The following CRKL variants were observed in gnomAD, a reference collection of about 807,000 sequenced individuals.
The protein encoded by CRKL is CRK like proto-oncogene, adaptor protein, also known as crk-like protein.
A neutral mutation model predicts 23.0 loss-of-function variants in CRKL; 3 were observed. The ratio of observed to expected loss-of-function variants is 0.13; its 90% CI spans 0.06 to 0.34. The LOEUF (loss-of-function observed/expected upper bound fraction) is 0.34. Among genes scored for constraint, CRKL ranks in the 10% least tolerant of loss-of-function variants. The probability of loss-of-function intolerance (pLI) is 1.00; values close to 1 mark genes in which losing one functional copy is unlikely to be tolerated. For synonymous variants in CRKL, 188 were observed against 160.7 expected (o/e 1.17, Z -1.28); for missense variants, 256 against 394.5 (o/e 0.65, Z 2.97).
At position 20,949,263 on chromosome 22, in the gene CRKL, C is replaced by T. The variant is rs140688534; in HGVS notation, c.778-448C>T. 6.3e-3 allele frequency among the ~76,000 whole-genome samples: 958 copies of T among 152,242 alleles called. 10 individuals are homozygous for T. The highest frequency in any genetic ancestry group is 0.021 in the African/African-American group (877 of 41,560). On this transcript the variant is annotated intron_variant, in intron 2 of 2. Coordinates refer to ENST00000354336, the MANE Select transcript of CRKL (RefSeq NM_005207.4). ...ACTTCAGCCTCCTGAGTAGTTGGGA[C>T]TGCAGTCATGTACCACCACACCCGG... is the stretch of plus-strand genomic sequence containing the variant.
At chr22:20,920,587 C>T (rs1920981475) in intron 1 of CRKL, among the ~76,000 whole-genome samples, 1 of 152,076 alleles carries the variant, frequency 6.6e-6, no homozygotes, top group Non-Finnish European at 1.5e-5. Flanking sequence ...CACAGAATCG[C>T]CTCCAGATTT....
At position 20,948,726 on chromosome 22, in the gene CRKL, C is replaced by T. The variant is rs150949418; in HGVS notation, c.778-985C>T. On this transcript the variant is annotated intron_variant, in intron 2 of 2. Coordinates refer to ENST00000354336, the MANE Select transcript of CRKL (RefSeq NM_005207.4). ...CGTTGCGCCGGCTGGTCTCAAACTC[C>T]TGGGCTCAAGCAGTCCTCCCACCTC... is the stretch of plus-strand genomic sequence containing the variant. 2.6e-3 allele frequency among the ~76,000 whole-genome samples: 394 copies of T among 152,258 alleles called. 4 individuals are homozygous for T. Among genetic ancestry groups the T allele is most frequent in the African/African-American group, 9.0e-3 (374 of 41,550 alleles).
intron 2 of CRKL, among the ~76,000 whole-genome samples, chr22:20,947,194 GTGTT>G (rs1569138544): frequency 5.3e-5 from 8 of 151,526 alleles, no homozygotes; most frequent in African/African-American, 1.9e-4. Context: ...TGAGTTAATA[GTGTT>G]TTTCTGCCAC....
chr22:20,928,172 G>A (rs894971550), intron 1 of CRKL, among the ~76,000 whole-genome samples: 2 of 151,076 alleles, frequency 1.3e-5, no homozygotes, highest in Non-Finnish European at 3.0e-5. Context: ...AAAAGTATAT[G>A]TAAGCTGGGT....
chr22:20,941,589 T>TATATA (rs1491187455), intron 2 of CRKL, among the ~76,000 whole-genome samples: 34 of 32,180 alleles, frequency 1.1e-3, no homozygotes, highest in African/African-American at 3.3e-3. Context: ...TATATATATA[T>TATATA]TTTTTTTTTT....
At position 20,952,444 on chromosome 22, in the gene CRKL, G is replaced by A. The variant is rs1922312856; in HGVS notation, c.*2599G>A. On this transcript the variant is annotated 3_prime_UTR_variant, in exon 3 of 3. Coordinates refer to ENST00000354336, the MANE Select transcript of CRKL (RefSeq NM_005207.4). ...TCAAAACAAGGCGAGCTTGAGTTCT[G>A]CACTCCAGATATGTGCCAAAACTAG... The A allele has an allele frequency of 4.3e-6, 1 of 230,516 alleles. No homozygotes were observed. 14.3% of individuals were successfully genotyped at this position (230,516 alleles called of 1,614,324 possible).
In CRKL at chr22:20,952,710, A is replaced by G. The variant is rs1601689579; in HGVS notation, c.*2865A>G. The G allele has an allele frequency of 2.2e-5, 5 of 231,630 alleles. No homozygotes were observed. In the East Asian group the frequency reaches 3.1e-4, roughly 14 times the overall value. The allele number at this position is 231,630 out of a possible 1,614,324, so 14.3% of individuals were successfully genotyped here. ...GTTTAAAGAAATATTTGGATGTTAA[A>G]TTAACTCACTATGGTTTTTCACCTG... On this transcript the variant is annotated 3_prime_UTR_variant, in exon 3 of 3. Transcript: ENST00000354336.
At position 20,953,386 on chromosome 22, in the gene CRKL, T is replaced by C; in HGVS notation, c.*3541T>C. ...ATCGTTGTCCCTACAGGAGGAACAG[T>C]GGCCTTGCTTCTTAGACGGTCTTCA... is the stretch of plus-strand genomic sequence containing the variant. On this transcript the variant is annotated 3_prime_UTR_variant, in exon 3 of 3. Coordinates refer to ENST00000354336, the MANE Select transcript of CRKL (RefSeq NM_005207.4). 4.3e-6 allele frequency: 1 copy of C among 231,238 alleles called. No homozygotes were observed. The allele number at this position is 231,238 out of a possible 1,614,324, so 14.3% of individuals were successfully genotyped here.
At chr22:20,925,763 T>C (rs1262880929) in intron 1 of CRKL, among the ~76,000 whole-genome samples, 1 of 152,072 alleles carries the variant, frequency 6.6e-6, no homozygotes, top group African/African-American at 2.4e-5. Context: ...GTCACACCAG[T>C]TTTGTGACAG....
chr22:20,923,208 G>A (rs919373010), intron 1 of CRKL, among the ~76,000 whole-genome samples: 7 of 152,018 alleles, frequency 4.6e-5, no homozygotes, highest in Non-Finnish European at 2.9e-5. Flanking sequence ...CATGTACCTG[G>A]TAATATGGAA....
intron 1 of CRKL, among the ~76,000 whole-genome samples, chr22:20,923,499 G>A (rs553119459): frequency 2.6e-5 from 4 of 151,398 alleles, no homozygotes; most frequent in South Asian, 4.2e-4. Context: ...GGATGGTCTC[G>A]ATCTCCTGAC....
chr22:20,936,877 TC>T (rs201029538), intron 2 of CRKL, among the ~76,000 whole-genome samples: 20 of 150,698 alleles, frequency 1.3e-4, no homozygotes, highest in Admixed American at 3.3e-4. Flanking sequence ...TTTTTTTTTT[TC>T]GAGATGGAGT....
At position 20,921,935 on chromosome 22, in the gene CRKL, C is replaced by T. The variant is rs142325475; in HGVS notation, c.311+3690C>T. ...ATGTTAGCCAGGATAGTCTCGATCTCCTAACCTAGTGATCCGCCCGCCTCG... is the reference window on the plus strand; with the variant it reads ...ATGTTAGCCAGGATAGTCTCGATCTTCTAACCTAGTGATCCGCCCGCCTCG... On this transcript the variant is annotated intron_variant, in intron 1 of 2. Coordinates refer to ENST00000354336, the MANE Select transcript of CRKL (RefSeq NM_005207.4). Among the ~76,000 whole-genome samples, 608 of 150,476 alleles carry T rather than the reference C, an allele frequency of 4.0e-3. 5 individuals are homozygous for T. The highest frequency in any genetic ancestry group is 0.014 in the African/African-American group (586 of 41,002).
chr22:20,937,868 C>T (rs1458660693), intron 2 of CRKL, among the ~76,000 whole-genome samples: 1 of 151,886 alleles, frequency 6.6e-6, no homozygotes, highest in Admixed American at 6.6e-5. Flanking sequence ...TAGGTTATAG[C>T]ATAAGTAAAT....
At chr22:20,927,041 G>A (rs1053251533) in intron 1 of CRKL, among the ~76,000 whole-genome samples, 1 of 137,878 alleles carries the variant, frequency 7.3e-6, no homozygotes, top group African/African-American at 2.7e-5. Context: ...GAACCTGGGA[G>A]GCAGAGATTG....
chr22:20,933,447 G>A (rs368187859), intron 1 of CRKL, among the ~76,000 whole-genome samples: 89 of 151,606 alleles, frequency 5.9e-4, no homozygotes, highest in East Asian at 2.2e-3. Context: ...TGCGTGGATC[G>A]CCCGAGGTCA....
intron 2 of CRKL, among the ~76,000 whole-genome samples, chr22:20,944,335 G>A (rs551089003): frequency 2.6e-5 from 4 of 151,682 alleles, no homozygotes; most frequent in African/African-American, 7.3e-5. Flanking sequence ...TAACACAAAT[G>A]TTTTTGCATT....
intron 1 of CRKL, among the ~76,000 whole-genome samples, chr22:20,923,910 T>C (rs1357829112): frequency 6.7e-6 from 1 of 150,210 alleles, no homozygotes; most frequent in Non-Finnish European, 1.5e-5. Flanking sequence ...AGGTTGGCTG[T>C]GCTCGGTGGC....
rs1208427278 is a variant in CRKL, at chr22:20,949,982, C to A, written c.*137C>A. ...CTTTCTGCAGACTGGCAGTCGCACA[C>A]ACATTTGGAATGCACACAGCGGCTG... On this transcript the variant is annotated 3_prime_UTR_variant, in exon 3 of 3. Transcript: ENST00000354336. 1 of 1,192,656 alleles carries A rather than the reference C, an allele frequency of 8.4e-7. No individual in the cohort carries two copies. The highest frequency in any genetic ancestry group is 1.2e-6 in the Non-Finnish European group (1 of 863,964). The allele number at this position is 1,192,656 out of a possible 1,614,324, so 73.9% of individuals were successfully genotyped here. A position where few individuals can be genotyped will look rare whatever the true frequency, so the allele number is the denominator to read the frequency against.
Sources: allele counts gnomAD v4.1 joint callset (sites outside exome capture counted in the v4.1 genomes callset), GRCh38; gene constraint gnomAD v4.1.1; transcripts MANE v1.5; gene names NCBI Gene and HGNC (gene_info 2026-07-23, HGNC 2026-07-21).